CTTNBP2: variants seen among roughly 807,000 people sequenced by gnomAD.
CTTNBP2 encodes cortactin-binding protein 2.
In CTTNBP2, 108 loss-of-function variants were observed where a neutral mutation model predicts 156.9. The ratio of observed to expected loss-of-function variants is 0.69; its 90% CI spans 0.59 to 0.81. The LOEUF is 0.81. CTTNBP2 is among the 30% of genes least tolerant of loss of function. The pLI is 0.00. For synonymous variants in CTTNBP2, 767 were observed against 751.8 expected, an observed-to-expected ratio of 1.02 and a Z score of -0.33; for missense variants, 1,924 against 2,035.4, an observed-to-expected ratio of 0.95 and a Z score of 1.05.
At chr7:117,836,385 A>T (rs1196925716) in intron 2 of CTTNBP2, among the ~76,000 whole-genome samples, 5 of 152,194 alleles carry the variant, frequency 3.3e-5, no homozygotes, top group African/African-American at 1.2e-4. Context: ...TAACACGACG[A>T]AACCCTATCT....
At chr7:117,847,659 ATTCATAAC>A (rs1260119679) in intron 2 of CTTNBP2, among the ~76,000 whole-genome samples, 1 of 152,208 alleles carries the variant, frequency 6.6e-6, no homozygotes, top group East Asian at 1.9e-4. Flanking sequence ...ATATTCATAA[ATTCATAAC>A]ATAATTTGTG....
chr7:117,811,070 T>C (rs6973399), intron 2 of CTTNBP2, 81 bp from the exon 3 acceptor site: 590,994 of 1,066,832 alleles, frequency 0.55, 168,662 homozygotes, highest in East Asian at 0.68. Flanking sequence ...TTTGTGATTA[T>C]ACTTCCAAAT....
rs532593354 is a variant in CTTNBP2 at position 117,871,226 on chromosome 7, TCTACACTAG to T, written c.81+2100_81+2108del. ...CAATTGTGATGACACATATCACTCC[TCTACACTAG>T]CTTTCCTTTCACTTAAAAATCAGTC... On this transcript the variant is annotated intron_variant, in intron 1 of 22. Coordinates refer to ENST00000160373, the MANE Select transcript of CTTNBP2 (RefSeq NM_033427.3). Among the ~76,000 whole-genome samples, 323 of 152,350 alleles carry T rather than the reference TCTACACTAG, an allele frequency of 2.1e-3. 2 individuals are homozygous for T. The highest frequency in any genetic ancestry group is 7.5e-3 in the African/African-American group (310 of 41,586).
chr7:117,774,164 AGCT>A (rs1159947966), intron 8 of CTTNBP2, among the ~76,000 whole-genome samples: 1 of 152,184 alleles, frequency 6.6e-6, no homozygotes, highest in African/African-American at 2.4e-5. Context: ...TAGTCAGGCC[AGCT>A]GTAGAGAGAG....
intron 2 of CTTNBP2, among the ~76,000 whole-genome samples, chr7:117,817,576 C>T (rs1056085391): frequency 1.3e-5 from 2 of 150,948 alleles, no homozygotes; most frequent in Non-Finnish European, 3.0e-5. Flanking sequence ...CTTAAAATAT[C>T]CAACCTTTCC....
rs116889600 is a variant in CTTNBP2 at position 117,859,412 on chromosome 7, G to A, written c.189+1797C>T. Among the ~76,000 whole-genome samples the A allele has an allele frequency of 1.7e-3, 254 of 152,276 alleles. 3 individuals are homozygous for A. The highest frequency in any genetic ancestry group is 0.011 in the South Asian group (51 of 4,826). On this transcript the variant is annotated intron_variant, in intron 2 of 22. Transcript: ENST00000160373. ...TGCTAAGGTGATACATAAAAACACAGACTTCACTAAATGTTCAAACATTGA... is the reference window on the plus strand; with the variant it reads ...TGCTAAGGTGATACATAAAAACACAAACTTCACTAAATGTTCAAACATTGA...
chr7:117,803,248 G>T (rs1278667974), intron 3 of CTTNBP2, among the ~76,000 whole-genome samples: 1 of 152,166 alleles, frequency 6.6e-6, no homozygotes, highest in East Asian at 1.9e-4. Context: ...GCAGCAACAT[G>T]GATGCAGATG....
At chr7:117,724,773 C>G (rs1206546384) in intron 18 of CTTNBP2, 41 bp from the exon 19 acceptor site, 2 of 1,591,062 alleles carry the variant, frequency 1.3e-6, no homozygotes, top group Non-Finnish European at 1.7e-6. Flanking sequence ...TGCAGTTTCA[C>G]TGATTAAAGC....
chr7:117,811,677 A>G (rs1415121977), intron 2 of CTTNBP2, among the ~76,000 whole-genome samples: 3 of 152,116 alleles, frequency 2.0e-5, no homozygotes, highest in Non-Finnish European at 4.4e-5. Context: ...TTATCTCTAT[A>G]TCGATAGAAC....
At chr7:117,862,368 C>G (rs1803822133) in intron 1 of CTTNBP2, among the ~76,000 whole-genome samples, 2 of 152,096 alleles carry the variant, frequency 1.3e-5, no homozygotes, top group Non-Finnish European at 2.9e-5. Context: ...TCTTCCAGCC[C>G]TTTTGTCTTC....
At position 117,773,648 on chromosome 7, in the gene CTTNBP2, AACACACACACACACAC is replaced by A. The variant is rs71528190; in HGVS notation, c.2778+3847_2778+3862del. ...TAAAGCTTGGGAGTTGCTTAGAGTT[AACACACACACACACAC>A]ACACACACACACACACACACACACA... is the stretch of plus-strand genomic sequence containing the variant. On this transcript the variant is annotated intron_variant, in intron 8 of 22. Transcript: ENST00000160373. Among the ~76,000 whole-genome samples, 564 of 95,128 alleles carry A rather than the reference AACACACACACACACAC, an allele frequency of 5.9e-3. 4 individuals carry two copies. Among genetic ancestry groups the A allele is most frequent in the African/African-American group, 0.018 (431 of 23,846 alleles). The allele number at this position is 95,128 out of a possible 152,430, so 62.4% of individuals were successfully genotyped here. A position where few individuals can be genotyped will look rare whatever the true frequency, so the allele number is the denominator to read the frequency against.
chr7:117,791,952 A>C lies in CTTNBP2; in HGVS notation c.1244T>G (p.Ile415Arg). ...AAPPTAQTPG[I>R]APQNSQAPPM... ...TGGAGCTTGCGAGTTCTGAGGAGCT[A>C]TGCCTGGTGTTTGAGCGGTGGGAGG... Residue 415 changes from isoleucine to arginine, a missense_variant, in exon 4 of 23, where the codon ATA (isoleucine) becomes AGA (arginine). Physicochemically the swap from Ile to Arg is moderately conservative, Grantham distance 97. Coordinates refer to ENST00000160373, the MANE Select transcript of CTTNBP2 (RefSeq NM_033427.3). The C allele has an allele frequency of 6.2e-7, 1 of 1,614,104 alleles. No homozygotes were observed. Among genetic ancestry groups the C allele is most frequent in the Non-Finnish European group, 8.5e-7 (1 of 1,180,020 alleles).
intron 17 of CTTNBP2, among the ~76,000 whole-genome samples, 178 bp from the exon 18 acceptor site, chr7:117,725,435 A>T (rs1156299152): frequency 6.6e-6 from 1 of 152,246 alleles, no homozygotes; most frequent in Non-Finnish European, 1.5e-5. Flanking sequence ...AAGTGTTTGA[A>T]TCTGCCTCAA....
At chr7:117,759,354 C>A (rs1797064122) in intron 10 of CTTNBP2, among the ~76,000 whole-genome samples, 1 of 152,126 alleles carries the variant, frequency 6.6e-6, no homozygotes, top group African/African-American at 2.4e-5. Flanking sequence ...TCAAGTGATC[C>A]TTCTGCCTCA....
At chr7:117,814,267 T>C (rs1407768319) in intron 2 of CTTNBP2, among the ~76,000 whole-genome samples, 1 of 151,102 alleles carries the variant, frequency 6.6e-6, no homozygotes, top group Non-Finnish European at 1.5e-5. Flanking sequence ...TTCTTACTGG[T>C]GTGAAATAGT....
chr7:117,755,865 G>C (rs1796855224), intron 12 of CTTNBP2, among the ~76,000 whole-genome samples: 1 of 152,192 alleles, frequency 6.6e-6, no homozygotes, highest in Admixed American at 6.5e-5. Flanking sequence ...AATGGGATGT[G>C]GGCAGGAATG....
intron 2 of CTTNBP2, among the ~76,000 whole-genome samples, chr7:117,843,126 C>A (rs1027553934): frequency 6.6e-6 from 1 of 152,088 alleles, no homozygotes; most frequent in Admixed American, 6.5e-5. Context: ...TACAGTATAA[C>A]AACTTTTTAC....
rs1199341594 is a variant in CTTNBP2, at chr7:117,841,024, TTAAA to T, written c.189+20181_189+20184del. 2.0e-5 allele frequency among the ~76,000 whole-genome samples: 3 copies of T among 152,214 alleles called. No individual in the cohort carries two copies. In the East Asian group the frequency reaches 5.8e-4, roughly 29 times the overall value. Reference sequence around the variant, plus strand: ...TATTAAAAAGTAAAACTGAGAAATTTTAAATAAATGCATTAATTTTAAAATAATT... The same window carrying T: ...TATTAAAAAGTAAAACTGAGAAATTTTAAATGCATTAATTTTAAAATAATT... On this transcript the variant is annotated intron_variant, in intron 2 of 22. Transcript: ENST00000160373.
chr7:117,847,290 C>T (rs973736450), intron 2 of CTTNBP2, among the ~76,000 whole-genome samples: 3 of 152,190 alleles, frequency 2.0e-5, no homozygotes, highest in Admixed American at 6.5e-5. Flanking sequence ...AATCCCAGCA[C>T]TTTAAGAAGC....
Sources: allele counts gnomAD v4.1 joint callset (sites outside exome capture counted in the v4.1 genomes callset), GRCh38; gene constraint gnomAD v4.1.1; transcripts MANE v1.5; gene names NCBI Gene and HGNC (gene_info 2026-07-23, HGNC 2026-07-21).